PLPP1: variants seen among roughly 807,000 people sequenced by gnomAD.
PLPP1 encodes the protein phospholipid phosphatase 1, also known as lipid phosphate phosphohydrolase 1a.
In PLPP1, 24 loss-of-function variants were observed where a neutral mutation model predicts 31.2. The ratio of observed to expected loss-of-function variants is 0.77; its 90% confidence interval spans 0.56 to 1.08. The LOEUF (loss-of-function observed/expected upper bound fraction) is 1.08. Among genes scored for constraint, PLPP1 ranks in the 50% least tolerant of loss-of-function variants. The pLI is 0.00. For missense variants in PLPP1, 319 were observed against 342.7 expected (o/e 0.93, Z 0.55); for synonymous variants, 146 against 126.3 (o/e 1.16, Z -1.05).
chr5:55,475,964 T>C (rs1435236954), intron 1 of PLPP1, among the ~76,000 whole-genome samples: 1 of 147,100 alleles, frequency 6.8e-6, no homozygotes, highest in South Asian at 2.2e-4. Context: ...TAAAAAGGAA[T>C]CTGAACTTAA....
intron 2 of PLPP1, 158 bp from the exon 3 acceptor site, chr5:55,468,307 A>G (rs1752348522): frequency 1.6e-6 from 1 of 630,432 alleles, no homozygotes; most frequent in Non-Finnish European, 2.6e-6. Context: ...GAGTCAACTT[A>G]GGATATCCAA....
At position 55,468,142 on chromosome 5, in the gene PLPP1, A is replaced by C. The variant is rs1217867303; in HGVS notation, c.218T>G (p.Leu73Arg). The C allele has an allele frequency of 6.3e-7, 1 of 1,577,964 alleles. No homozygotes were observed. Among genetic ancestry groups the C allele is most frequent in the African/African-American group, 1.4e-5 (1 of 73,416 alleles). The change falls in exon 3 of 6, where the codon CTT becomes CGT. Residue 73 changes from leucine to arginine, a missense_variant. Leu to Arg is a moderately radical substitution (Grantham distance 102). Transcript: ENST00000307259. ...IIPFSIIVII[L>R]GETLSVYCNL... ...ACAGTAAACAGACAGGGTTTCTCCA[A>C]GAATAATCTGAAAAAGAAACAGAAA...
At chr5:55,464,099 T>C (rs934533829) in intron 3 of PLPP1, among the ~76,000 whole-genome samples, 1 of 151,926 alleles carries the variant, frequency 6.6e-6, no homozygotes. Context: ...ACCCTTAGAA[T>C]GGCTAAAATA....
In PLPP1 at chr5:55,456,281, C is replaced by T. The variant is rs149739819; in HGVS notation, c.491+11588G>A. On this transcript the variant is annotated intron_variant, in intron 3 of 5. Transcript: ENST00000307259. ...ATAATAGCAGTAATAGCAGACAGAGCGCAAAAGTGTGCTACGTGCAAGAGA... is the reference window on the plus strand; with the variant it reads ...ATAATAGCAGTAATAGCAGACAGAGTGCAAAAGTGTGCTACGTGCAAGAGA... Among the ~76,000 whole-genome samples the T allele has an allele frequency of 6.9e-4, 105 of 152,080 alleles. 1 individual carries two copies. In the East Asian group the frequency reaches 0.019, roughly 27 times the overall value.
Position 55,507,857 on chromosome 5 carries a change from AC to A in PLPP1, c.58+26714del, listed in dbSNP as rs1417716213. On this transcript the variant is annotated intron_variant, in intron 1 of 5. Transcript: ENST00000307259. Reference sequence around the variant, plus strand: ...TATATCTGCACACTGATCACTGAAAACTTTTTTTTTTTTTTTTGAGACAAGA... The same window carrying A: ...TATATCTGCACACTGATCACTGAAAATTTTTTTTTTTTTTTTGAGACAAGA... 4.8e-5 allele frequency among the ~76,000 whole-genome samples: 4 copies of A among 84,010 alleles called. No individual in the cohort carries two copies. The Admixed American group carries it at 5.4e-4, about 11-fold the overall frequency. 55.1% of individuals were successfully genotyped at this position (84,010 alleles called of 152,430 possible). A position where few individuals can be genotyped will look rare whatever the true frequency, so the allele number is the denominator to read the frequency against.
In PLPP1 at chr5:55,458,346, T is replaced by G. The variant is rs80196622; in HGVS notation, c.491+9523A>C. Among the ~76,000 whole-genome samples the G allele has an allele frequency of 5.4e-3, 823 of 152,286 alleles. 4 individuals carry two copies. The highest frequency in any genetic ancestry group is 0.019 in the African/African-American group (793 of 41,560). On this transcript the variant is annotated intron_variant, in intron 3 of 5. Transcript: ENST00000307259. Reference sequence around the variant, plus strand: ...TATGATCACTGAAAATAAACACCTTTCTTCATTTGGTTATAAGTAAATAAT... The same window carrying G: ...TATGATCACTGAAAATAAACACCTTGCTTCATTTGGTTATAAGTAAATAAT...
At chr5:55,427,777 G>A (rs534899674) in intron 4 of PLPP1, among the ~76,000 whole-genome samples, 4 of 148,376 alleles carry the variant, frequency 2.7e-5, no homozygotes, top group Admixed American at 1.3e-4. Flanking sequence ...CACTTTTTTG[G>A]GGGGGGGGAT....
At chr5:55,454,223 G>T (rs1751956246) in intron 3 of PLPP1, among the ~76,000 whole-genome samples, 1 of 151,964 alleles carries the variant, frequency 6.6e-6, no homozygotes. Flanking sequence ...AAAAATAATT[G>T]ATTAACATAA....
chr5:55,467,814 CCTT>C lies in PLPP1; in HGVS notation c.491+52_491+54del. 2.7e-6 allele frequency: 4 copies of C among 1,508,808 alleles called. No homozygotes were observed. The Admixed American group carries it at 8.5e-5, about 32-fold the overall frequency. 93.5% of individuals were successfully genotyped at this position (1,508,808 alleles called of 1,614,324 possible). On this transcript the variant is annotated intron_variant, in intron 3 of 5. Coordinates refer to ENST00000307259, the MANE Select transcript of PLPP1 (RefSeq NM_003711.4). ...GTGGCTTATCTTCCAGTCACTGAAA[CCTT>C]CTATTCCAAGAATATACAAGATTAA...
At chr5:55,475,541 A>C in intron 1 of PLPP1, 91 bp from the exon 2 acceptor site, 2 of 1,220,908 alleles carry the variant, frequency 1.6e-6, no homozygotes, top group Non-Finnish European at 2.2e-6. Flanking sequence ...CTGTCTAAAA[A>C]TGCATTTGCC....
intron 4 of PLPP1, among the ~76,000 whole-genome samples, chr5:55,436,158 G>A (rs1381744327): frequency 3.9e-5 from 6 of 152,152 alleles, no homozygotes; most frequent in Admixed American, 3.9e-4. Flanking sequence ...AAGGAGGGTT[G>A]CAGAAAGCTG....
intron 1 of PLPP1, among the ~76,000 whole-genome samples, chr5:55,504,225 C>T (rs1445874040): frequency 6.6e-6 from 1 of 151,482 alleles, no homozygotes; most frequent in African/African-American, 2.4e-5. Context: ...AAAAATTAGC[C>T]GGGTGTGGTA....
rs10319 is a variant in PLPP1 at position 55,425,030 on chromosome 5, G to A, written c.*176C>T. 38 of 871,658 alleles carry A rather than the reference G, an allele frequency of 4.4e-5. No individual in the cohort carries two copies. In the South Asian group the frequency reaches 6.4e-4, roughly 15 times the overall value. 54.0% of individuals were successfully genotyped at this position (871,658 alleles called of 1,614,324 possible). ...TTTTTTAATGAGTTTAGAGCTATTAGATAACCACTGAGTTAAAGGTAACTA... is the reference window on the plus strand; with the variant it reads ...TTTTTTAATGAGTTTAGAGCTATTAAATAACCACTGAGTTAAAGGTAACTA... On this transcript the variant is annotated 3_prime_UTR_variant, in exon 6 of 6. Coordinates refer to ENST00000307259, the MANE Select transcript of PLPP1 (RefSeq NM_003711.4).
chr5:55,427,854 C>G (rs1751246479), intron 4 of PLPP1, among the ~76,000 whole-genome samples: 1 of 151,994 alleles, frequency 6.6e-6, no homozygotes, highest in East Asian at 1.9e-4. Flanking sequence ...GGTGCGATCT[C>G]GGCTCACTGC....
intron 4 of PLPP1, among the ~76,000 whole-genome samples, chr5:55,427,871 C>T (rs576030310): frequency 3.3e-5 from 5 of 151,934 alleles, no homozygotes; most frequent in Non-Finnish European, 7.4e-5. Flanking sequence ...CTGCAACCTC[C>T]GCCTCCCGGG....
intron 3 of PLPP1, among the ~76,000 whole-genome samples, chr5:55,460,521 G>T (rs994895469): frequency 1.3e-5 from 2 of 152,128 alleles, no homozygotes; most frequent in African/African-American, 4.8e-5. Flanking sequence ...ACAATACAAA[G>T]ATAGTATAAT....
chr5:55,425,433 A>C, intron 5 of PLPP1, 99 bp from the exon 6 acceptor site: 1 of 1,156,450 alleles, frequency 8.6e-7, no homozygotes, highest in Non-Finnish European at 1.2e-6. Flanking sequence ...AAACAAAAGG[A>C]TATACTTTGA....
At chr5:55,427,262 A>T (rs1579913091) in intron 4 of PLPP1, among the ~76,000 whole-genome samples, 1 of 152,192 alleles carries the variant, frequency 6.6e-6, no homozygotes, top group South Asian at 2.1e-4. Context: ...AAAATAGATG[A>T]CACAAATCCA....
chr5:55,496,652 G>T (rs1468825094), intron 1 of PLPP1, among the ~76,000 whole-genome samples: 1 of 152,118 alleles, frequency 6.6e-6, no homozygotes, highest in Non-Finnish European at 1.5e-5. Context: ...TCCTATCAGG[G>T]CCATGGGTGA....
Sources: allele counts gnomAD v4.1 joint callset (sites outside exome capture counted in the v4.1 genomes callset), GRCh38; gene constraint gnomAD v4.1.1; transcripts MANE v1.5; gene names NCBI Gene and HGNC (gene_info 2026-07-23, HGNC 2026-07-21).